Variants in LYST observed in about 807,000 individuals in gnomAD.
LYST encodes the protein lysosomal-trafficking regulator.
Under a neutral mutation model 413.6 loss-of-function variants are expected in LYST, and 192 were observed. The ratio of observed to expected loss-of-function variants is 0.46; its 90% CI spans 0.41 to 0.52. The LOEUF (loss-of-function observed/expected upper bound fraction) is 0.52, where lower values mean the gene tolerates loss of function less well. LYST is among the 20% of genes least tolerant of loss of function. The pLI, the probability that LYST is intolerant of heterozygous loss-of-function variation, is 0.00. For synonymous variants in LYST, 1,525 were observed against 1,567.3 expected, an observed-to-expected ratio of 0.97 and a Z score of 0.64; for missense variants, 3,815 against 4,499.9, an observed-to-expected ratio of 0.85 and a Z score of 4.35.
chr1:235,663,963 A>T (rs778352953), intron 52 of LYST, 21 bp downstream of exon 52: 53 of 1,558,814 alleles, frequency 3.4e-5, no homozygotes, highest in Non-Finnish European at 4.7e-5. Context: ...TCTGAAGCAT[A>T]AGAGGGGGAG....
chr1:235,836,662 T>C (rs1303390180), intron 1 of LYST, among the ~76,000 whole-genome samples: 1 of 152,086 alleles, frequency 6.6e-6, no homozygotes, highest in African/African-American at 2.4e-5. Context: ...AAAGTAAGCA[T>C]GGAAAGAGGA....
intron 31 of LYST, chr1:235,737,097 TAAAGA>T (rs930771457): frequency 2.8e-4 from 42 of 152,062 alleles, no homozygotes; most frequent in African/African-American, 9.7e-4. Context: ...CCTGACCAAA[TAAAGA>T]AAACTATTTT....
intron 1 of LYST, among the ~76,000 whole-genome samples, chr1:235,835,818 TG>T (rs373892036): frequency 1.5e-4 from 23 of 152,336 alleles, no homozygotes; most frequent in African/African-American, 5.5e-4. Context: ...TATCTATGAC[TG>T]TTTCACCCTC....
At chr1:235,756,900 G>T (rs1188854566) in intron 24 of LYST, among the ~76,000 whole-genome samples, 1 of 152,098 alleles carries the variant, frequency 6.6e-6, no homozygotes, top group Non-Finnish European at 1.5e-5. Context: ...TCTAAAATTT[G>T]ATAGTACACT....
rs764878449 is a variant in LYST, at chr1:235,806,182, C to T, written c.2954G>A (p.Gly985Asp). Reference sequence around the variant, plus strand: ...TAACTTATGGCATACTCGGAAACCACCAAGCCTATAAAACTGTTTCTGGAA... The same window carrying T: ...TAACTTATGGCATACTCGGAAACCATCAAGCCTATAAAACTGTTTCTGGAA... ...SVFQKQFYRL[G>D]GFRVCHKLIF... The change falls in exon 6 of 53, where the codon GGT (glycine) becomes GAT (aspartate). Residue 985 changes from glycine (G) to aspartate (D), a missense_variant. Physicochemically the swap from Gly to Asp is moderately conservative, Grantham distance 94 (BLOSUM62 -1). Transcript: ENST00000389793. 1 of 1,613,826 alleles carries T rather than the reference C, an allele frequency of 6.2e-7. No individual in the cohort carries two copies. The highest frequency in any genetic ancestry group is 2.2e-5 in the East Asian group (1 of 44,850).
At chr1:235,762,695 A>C in intron 22 of LYST, 25 bp downstream of exon 22, 1 of 1,607,996 alleles carries the variant, frequency 6.2e-7, no homozygotes, top group Non-Finnish European at 8.5e-7. Context: ...TGAGAAGGTC[A>C]TACTTCCATT....
intron 16 of LYST, 21 bp from the exon 17 acceptor site, chr1:235,777,329 T>C (rs1301391563): frequency 6.2e-7 from 1 of 1,607,274 alleles, no homozygotes; most frequent in African/African-American, 1.3e-5. Flanking sequence ...AATATTTTCA[T>C]TCAGTAATGA....
chr1:235,805,746 A>C lies in LYST; in HGVS notation c.3390T>G (p.Asn1130Lys). 1 of 1,611,420 alleles carries C rather than the reference A, an allele frequency of 6.2e-7. No homozygotes were observed. Among genetic ancestry groups the C allele is most frequent in the Non-Finnish European group, 8.5e-7 (1 of 1,178,090 alleles). ...SQQKMELELP[N>K]QNLSVESILF... is the part of the protein sequence containing the mutation. ...TGGACTAAGGACAAGGTATTACCTG[A>C]TTAGGTAACTCCAATTCCATCTTCT... Residue 1130 changes from asparagine to lysine, a missense_variant, in exon 6 of 53, where the codon AAT becomes AAG. By Grantham distance (94) the Asn-to-Lys change is moderately conservative. Transcript: ENST00000389793.
At chr1:235,700,040 GA>G (rs1435704724) in intron 45 of LYST, among the ~76,000 whole-genome samples, 5 of 152,152 alleles carry the variant, frequency 3.3e-5, no homozygotes, top group African/African-American at 1.2e-4. Flanking sequence ...GCCATATGCA[GA>G]AAACTGAAAC....
chr1:235,875,717 G>A (rs551883447), intron 1 of LYST, among the ~76,000 whole-genome samples: 10 of 151,456 alleles, frequency 6.6e-5, no homozygotes, highest in Middle Eastern at 7.0e-3. Context: ...GGTGACACAC[G>A]CCTGTGGTCC....
At chr1:235,699,193 T>A (rs1161191754) in intron 45 of LYST, among the ~76,000 whole-genome samples, 1 of 152,166 alleles carries the variant, frequency 6.6e-6, no homozygotes, top group African/African-American at 2.4e-5. Flanking sequence ...GCTGCACCTA[T>A]CAACCCATCA....
At chr1:235,734,268 A>C (rs888572776) in intron 32 of LYST, among the ~76,000 whole-genome samples, 1 of 152,132 alleles carries the variant, frequency 6.6e-6, no homozygotes, top group African/African-American at 2.4e-5. Flanking sequence ...GGCTACTGAT[A>C]ATGGATACTG....
intron 3 of LYST, among the ~76,000 whole-genome samples, chr1:235,815,366 A>G (rs905518396): frequency 6.6e-6 from 1 of 152,202 alleles, no homozygotes; most frequent in Admixed American, 6.5e-5. Context: ...ATTATCTAGG[A>G]AAGAGATTAC....
rs546949744 is a variant in LYST at position 235,872,715 on chromosome 1, G to A, written n.454+10472C>T. 5.9e-5 allele frequency among the ~76,000 whole-genome samples: 9 copies of A among 152,230 alleles called. No homozygotes were observed. The East Asian group carries it at 1.7e-3, about 29-fold the overall frequency. On this transcript the variant is annotated intron_variant and non_coding_transcript_variant, in intron 1 of 11. Coordinates refer to the LYST transcript ENST00000465349. ...AGTTCACTTGAGTTCAGGAGTTCGA[G>A]ACCAGCCTGGCCAACATGGTGAAAC...
In LYST at chr1:235,664,581, C is replaced by T; in HGVS notation, c.11079G>A (p.Gly3693=). Residue 3693 remains glycine, a synonymous_variant, in exon 51 of 53, where the codon GGG becomes GGA. Transcript: ENST00000389793. The surrounding 1 kb of genome is among the most constrained non-coding windows in gnomAD (Gnocchi z 4.5). ...GSDLRLWTVN[G]DLVGHVHCRE... is the part of the protein sequence containing the mutation. Reference sequence around the variant, plus strand: ...TGCAGTGGACATGTCCAACGAGATCCCCGTTCACCGTCCAGAGTCTGAGGT... The same window carrying T: ...TGCAGTGGACATGTCCAACGAGATCTCCGTTCACCGTCCAGAGTCTGAGGT... The T allele has an allele frequency of 6.2e-7, 1 of 1,614,144 alleles. No homozygotes were observed. Among genetic ancestry groups the T allele is most frequent in the Non-Finnish European group, 8.5e-7 (1 of 1,180,016 alleles).
chr1:235,865,327 C>T lies in LYST; in HGVS notation c.-98+1516G>A, dbSNP rs539767804. ...GGTTCCCTGCCCTCCCTCTTCCCTG[C>T]CCTCCCTCTTCCGTGCTTTTTCTCT... On this transcript the variant is annotated intron_variant, in intron 1 of 52. Coordinates refer to ENST00000389793, the MANE Select transcript of LYST (RefSeq NM_000081.4). Among the ~76,000 whole-genome samples the T allele has an allele frequency of 1.2e-4, 16 of 135,380 alleles. No individual in the cohort carries two copies. The South Asian group carries it at 2.7e-3, about 23-fold the overall frequency. 88.8% of individuals were successfully genotyped at this position (135,380 alleles called of 152,430 possible). A position where few individuals can be genotyped will look rare whatever the true frequency, so the allele number is the denominator to read the frequency against.
At chr1:235,876,869 T>G (rs1232225174) in intron 1 of LYST, among the ~76,000 whole-genome samples, 1 of 152,230 alleles carries the variant, frequency 6.6e-6, no homozygotes, top group Non-Finnish European at 1.5e-5. Context: ...GTACGAGTTA[T>G]ACGGGTCCTG....
chr1:235,844,249 AT>A (rs1168927359), intron 1 of LYST, among the ~76,000 whole-genome samples: 3 of 137,466 alleles, frequency 2.2e-5, no homozygotes, highest in South Asian at 2.1e-4. Flanking sequence ...ATCAGTAAAA[AT>A]AAAAAATCTT....
intron 12 of LYST, among the ~76,000 whole-genome samples, chr1:235,789,759 T>C (rs892591276): frequency 2.6e-5 from 4 of 152,170 alleles, no homozygotes; most frequent in Non-Finnish European, 5.9e-5. Context: ...AGATATATGA[T>C]ATACAGAGAA....
Sources: gnomAD v4.1 joint callset for allele counts (sites outside exome capture counted in the v4.1 genomes callset) on GRCh38, gnomAD v4.1.1 for gene constraint, Gnocchi (gnomAD v3.1) non-coding constraint, MANE v1.5 for transcripts, NCBI Gene and HGNC (gene_info 2026-07-23, HGNC 2026-07-21) for gene names.